Variants in CD109 observed in about 807,000 individuals in gnomAD.
The protein encoded by CD109 is CD109 molecule.
In CD109, 149 loss-of-function variants were observed where a neutral mutation model predicts 165.8. The observed-to-expected ratio is 0.90, with a 90% CI of 0.79 to 1.03. The LOEUF is 1.03. CD109 is among the 50% of genes least tolerant of loss of function. CD109 has a pLI of 0.00. For missense variants in CD109, 1,712 were observed against 1,677.8 expected, an observed-to-expected ratio of 1.02 and a Z score of -0.36; for synonymous variants, 585 against 592.1, an observed-to-expected ratio of 0.99 and a Z score of 0.18.
chr6:73,823,049 T>C (rs189175019), intron 32 of CD109, among the ~76,000 whole-genome samples: 5 of 152,340 alleles, frequency 3.3e-5, no homozygotes, highest in African/African-American at 1.2e-4. Flanking sequence ...AAATGCCCCT[T>C]TTCAGTAGTT....
rs1562030571 is a variant in CD109, at chr6:73,723,267, TACTC to T, written c.265_268del (p.Thr89PhefsTer6). 6.2e-7 allele frequency: 1 copy of T among 1,612,534 alleles called. No individual in the cohort carries two copies. Among genetic ancestry groups the T allele is most frequent in the South Asian group, 1.1e-5 (1 of 90,872 alleles). On this transcript the variant is annotated frameshift_variant, in exon 3 of 33. Coordinates refer to ENST00000287097, the MANE Select transcript of CD109 (RefSeq NM_133493.5). LOFTEE classifies it high-confidence loss of function. ...TCCTTGTAGGCTCTTTTAAGACACT[TACTC>T]TTCCATCAGTAAGTATCCATTTAAA...
At position 73,762,709 on chromosome 6, in the gene CD109, G is replaced by C. The variant is rs760997858; in HGVS notation, c.856-32G>C. 2.6e-6 allele frequency: 4 copies of C among 1,539,518 alleles called. No individual in the cohort carries two copies. In the African/African-American group the frequency reaches 5.5e-5, roughly 21 times the overall value. ...TTTCTAAAATTTGAATTGCTAAAATGGTAAATAATACTGAACTTTTAAACA... is the reference window on the plus strand; with the variant it reads ...TTTCTAAAATTTGAATTGCTAAAATCGTAAATAATACTGAACTTTTAAACA... On this transcript the variant is annotated intron_variant, in intron 8 of 32. Transcript: ENST00000287097.
upstream of CD109, chr6:73,696,141 A>G (rs1582020871): frequency 7.3e-7 from 1 of 1,370,280 alleles, no homozygotes; most frequent in Admixed American, 2.0e-5. Flanking sequence ...ATCAGGGAGG[A>G]GGTGGCAAGC....
rs1449298153 is a variant in CD109, at chr6:73,823,673, G to T, written c.*40G>T. On this transcript the variant is annotated 3_prime_UTR_variant, in exon 33 of 33. Transcript: ENST00000287097. ...ACTCTGTGTAACACTAACATTTCCA[G>T]TAGTCACATGTGATTGTTTTGTTTT... 1 of 1,513,142 alleles carries T rather than the reference G, an allele frequency of 6.6e-7. No homozygotes were observed. The highest frequency in any genetic ancestry group is 1.9e-5 in the Admixed American group (1 of 51,670). 93.7% of individuals were successfully genotyped at this position (1,513,142 alleles called of 1,614,324 possible). A position where few individuals can be genotyped will look rare whatever the true frequency, so the allele number is the denominator to read the frequency against.
chr6:73,728,315 A>C, intron 3 of CD109, among the ~76,000 whole-genome samples: 1 of 152,276 alleles, frequency 6.6e-6, no homozygotes, highest in South Asian at 2.1e-4. Flanking sequence ...GTCTCAAAAC[A>C]AAACAAAACA....
chr6:73,707,330 G>A (rs1270037382), intron 2 of CD109, among the ~76,000 whole-genome samples: 1 of 152,172 alleles, frequency 6.6e-6, no homozygotes, highest in East Asian at 1.9e-4. Flanking sequence ...CTACATAGGG[G>A]CTTGAGGTAG....
intron 2 of CD109, among the ~76,000 whole-genome samples, chr6:73,702,335 A>G (rs183846048): frequency 6.6e-6 from 1 of 152,282 alleles, no homozygotes; most frequent in East Asian, 1.9e-4. Context: ...TTTGGTTTGG[A>G]TGGTTTTCTG....
At chr6:73,776,363 C>G (rs941527856) in intron 15 of CD109, among the ~76,000 whole-genome samples, 1 of 151,918 alleles carries the variant, frequency 6.6e-6, no homozygotes, top group Non-Finnish European at 1.5e-5. Context: ...AGTAATTCTC[C>G]TGCCTCAGCC....
rs1772315721 is a variant in CD109, at chr6:73,730,352, G to A, written c.285G>A (p.Leu95=). ...FKTLTLPSLP[L]NSADEIYELR... ...TCTCTTTTTCCCCCCAGCTACCTCT[G>A]AACAGTGCAGATGAGATTTATGAGC... Residue 95 remains leucine, a synonymous_variant, in exon 4 of 33, where the codon CTG becomes CTA. Transcript: ENST00000287097. 1.2e-6 allele frequency: 2 copies of A among 1,609,352 alleles called. No homozygotes were observed. The highest frequency in any genetic ancestry group is 4.5e-5 in the East Asian group (2 of 44,858).
chr6:73,788,049 A>G (rs1774763987), intron 21 of CD109, among the ~76,000 whole-genome samples: 1 of 152,198 alleles, frequency 6.6e-6, no homozygotes, highest in South Asian at 2.1e-4. Context: ...ATCTAATTTA[A>G]CTAGAACTTA....
chr6:73,740,420 C>A (rs1772726888), intron 5 of CD109, among the ~76,000 whole-genome samples: 1 of 152,050 alleles, frequency 6.6e-6, no homozygotes, highest in South Asian at 2.1e-4. Flanking sequence ...GTATTAATAA[C>A]ATGTTTGTTT....
chr6:73,730,360 C>T lies in CD109; in HGVS notation c.293C>T (p.Ala98Val). The T allele has an allele frequency of 6.2e-7, 1 of 1,610,968 alleles. No individual in the cohort carries two copies. The highest frequency in any genetic ancestry group is 8.5e-7 in the Non-Finnish European group (1 of 1,177,190). Reference sequence around the variant, plus strand: ...TCCCCCCAGCTACCTCTGAACAGTGCAGATGAGATTTATGAGCTACGTGTA... The same window carrying T: ...TCCCCCCAGCTACCTCTGAACAGTGTAGATGAGATTTATGAGCTACGTGTA... ...LTLPSLPLNS[A>V]DEIYELRVTG... Residue 98 changes from alanine (A) to valine (V), a missense_variant, in exon 4 of 33, where the codon GCA becomes GTA. By Grantham distance (64) the Ala-to-Val change is moderately conservative. Transcript: ENST00000287097.
chr6:73,792,808 C>T lies in CD109; in HGVS notation c.2878+6C>T. The T allele has an allele frequency of 6.2e-7, 1 of 1,601,002 alleles. No individual in the cohort carries two copies. The highest frequency in any genetic ancestry group is 1.7e-5 in the Admixed American group (1 of 57,854). ...TCTTTCATTTATGAGGCAAGGTAAG[C>T]ATTTTAGAGACCTACATTTGTTCGT... On this transcript the variant is annotated splice_donor_region_variant and intron_variant, in intron 23 of 32. Transcript: ENST00000287097.
At chr6:73,797,570 A>G (rs1775206702) in intron 23 of CD109, among the ~76,000 whole-genome samples, 1 of 105,360 alleles carries the variant, frequency 9.5e-6, no homozygotes, top group Admixed American at 9.3e-5. Flanking sequence ...TTTAATACAG[A>G]GAATTTTTTT....
At chr6:73,744,928 A>T (rs1230095282) in intron 5 of CD109, among the ~76,000 whole-genome samples, 1 of 152,200 alleles carries the variant, frequency 6.6e-6, no homozygotes, top group Non-Finnish European at 1.5e-5. Context: ...AGATGATCTT[A>T]GAGGTCGCCT....
At chr6:73,816,871 A>G (rs1775955161) in intron 30 of CD109, among the ~76,000 whole-genome samples, 1 of 152,216 alleles carries the variant, frequency 6.6e-6, no homozygotes, top group African/African-American at 2.4e-5. Flanking sequence ...ACCAGAATTC[A>G]GACTGTGAAG....
At chr6:73,805,698 G>A (rs981928931) in intron 24 of CD109, among the ~76,000 whole-genome samples, 7 of 152,148 alleles carry the variant, frequency 4.6e-5, no homozygotes, top group East Asian at 3.8e-4. Context: ...GCAGCCTTCC[G>A]CAGTGTTTGT....
chr6:73,718,320 G>A (rs1011367092), intron 2 of CD109, among the ~76,000 whole-genome samples: 4 of 151,952 alleles, frequency 2.6e-5, no homozygotes, highest in East Asian at 1.9e-4. Context: ...CATTCTTGTC[G>A]TCTTCCTGAT....
chr6:73,755,314 T>C (rs1407801073), intron 5 of CD109, among the ~76,000 whole-genome samples: 2 of 152,246 alleles, frequency 1.3e-5, no homozygotes, highest in African/African-American at 4.8e-5. Flanking sequence ...TTTTTAAAAC[T>C]TTTATTTTTC....
Sources: gnomAD v4.1 joint callset for allele counts (sites outside exome capture counted in the v4.1 genomes callset) on GRCh38, gnomAD v4.1.1 for gene constraint, MANE v1.5 for transcripts, NCBI Gene and HGNC (gene_info 2026-07-23, HGNC 2026-07-21) for gene names.